TIAM1: variants seen among roughly 807,000 people sequenced by gnomAD.
TIAM1 encodes the protein TIAM Rac1 associated GEF 1.
Under a neutral mutation model 163.5 loss-of-function variants are expected in TIAM1, and 65 were observed. The observed-to-expected ratio is 0.40, with a 90% CI of 0.33 to 0.49. TIAM1 has a LOEUF of 0.49. TIAM1 is among the 20% of genes least tolerant of loss of function. The pLI, the probability that TIAM1 is intolerant of heterozygous loss-of-function variation, is 0.77. For synonymous variants in TIAM1, 833 were observed against 810.1 expected, an observed-to-expected ratio of 1.03 and a Z score of -0.48; for missense variants, 1,789 against 2,044.7, an observed-to-expected ratio of 0.87 and a Z score of 2.41.
chr21:31,226,067 C>G (rs1488874116), intron 6 of TIAM1, 117 bp from the exon 7 acceptor site: 9 of 821,928 alleles, frequency 1.1e-5, no homozygotes, highest in African/African-American at 1.7e-5. Context: ...GTCTAGACAC[C>G]CATGGATAAG....
chr21:31,212,946 GT>G (rs2086965778), intron 10 of TIAM1: 1 of 154,484 alleles, frequency 6.5e-6, no homozygotes. Flanking sequence ...AGGCAAATGC[GT>G]TTTTGTTGTT....
intron 15 of TIAM1, among the ~76,000 whole-genome samples, chr21:31,177,484 G>A (rs985821738): frequency 6.6e-6 from 1 of 152,216 alleles, no homozygotes; most frequent in Admixed American, 6.5e-5. Flanking sequence ...GCGGATGCCT[G>A]TAATCCCGGC....
Position 31,141,018 on chromosome 21 carries a change from T to C in TIAM1, c.3774+100A>G, listed in dbSNP as rs2082822596. On this transcript the variant is annotated intron_variant, in intron 22 of 27. Coordinates refer to ENST00000541036, the MANE Select transcript of TIAM1 (RefSeq NM_001353694.2). This position sits in a 1 kb window ranked among gnomAD's most constrained non-coding sequence, Gnocchi z 4.7. ...AAAAACAACAGCATCCTAACTATTT[T>C]ACTTACAAGTAACACCTTTTTAAAA... 2 of 874,054 alleles carry C rather than the reference T, an allele frequency of 2.3e-6. No homozygotes were observed. The highest frequency in any genetic ancestry group is 5.4e-5 in the Admixed American group (2 of 36,800). 54.1% of individuals were successfully genotyped at this position (874,054 alleles called of 1,614,324 possible).
intron 15 of TIAM1, among the ~76,000 whole-genome samples, chr21:31,175,534 G>C (rs1036832224): frequency 6.6e-6 from 1 of 152,080 alleles, no homozygotes; most frequent in African/African-American, 2.4e-5. Flanking sequence ...CTTTCTTCTT[G>C]ATGTAAAAAG....
intron 2 of TIAM1, among the ~76,000 whole-genome samples, chr21:31,393,959 G>GT (rs1381384510): frequency 7.9e-5 from 12 of 151,752 alleles, no homozygotes; most frequent in Admixed American, 7.9e-4. Context: ...AATAAAGCAC[G>GT]TTTTTTCATA....
Position 31,527,685 on chromosome 21 carries a change from C to T in TIAM1, c.-422+31242G>A, listed in dbSNP as rs567699113. Among the ~76,000 whole-genome samples, 7 of 152,134 alleles carry T rather than the reference C, an allele frequency of 4.6e-5. No homozygotes were observed. The South Asian group carries it at 1.5e-3, about 32-fold the overall frequency. ...ATCACCCATCTATCAGCCACCTGCC[C>T]CACCCCATTCCACCCTGTCACTTAT... On this transcript the variant is annotated intron_variant, in intron 1 of 28. Coordinates refer to the TIAM1 transcript ENST00000286827.
chr21:31,556,976 C>A (rs1366146182), intron 1 of TIAM1, among the ~76,000 whole-genome samples: 2 of 152,226 alleles, frequency 1.3e-5, no homozygotes, highest in Non-Finnish European at 2.9e-5. Context: ...TCCCTCCTAA[C>A]CTCCAGACAT....
chr21:31,163,394 T>A (rs981020552), intron 16 of TIAM1, among the ~76,000 whole-genome samples: 3 of 152,222 alleles, frequency 2.0e-5, no homozygotes, highest in African/African-American at 4.8e-5. Context: ...GTTGGTTTTT[T>A]AAATTTGCCT....
intron 2 of TIAM1, among the ~76,000 whole-genome samples, chr21:31,430,640 GT>G (rs35878330): frequency 0.046 from 6,954 of 152,122 alleles, 238 homozygotes; most frequent in East Asian, 0.13. Flanking sequence ...CGTTCTTAAA[GT>G]TTTCTGTAGA....
At chr21:31,512,617 C>CT (rs35338359) in intron 1 of TIAM1, among the ~76,000 whole-genome samples, 25,099 of 121,702 alleles carry the variant, frequency 0.21, 3,596 homozygotes, top group African/African-American at 0.36. Context: ...TTTTTCTTTT[C>CT]TTTTTTTTTT....
intron 1 of TIAM1, among the ~76,000 whole-genome samples, chr21:31,340,195 T>C (rs2075972012): frequency 1.3e-5 from 2 of 151,328 alleles, no homozygotes; most frequent in Non-Finnish European, 2.9e-5. Flanking sequence ...GATGCATAAA[T>C]AAATGCTAAG....
chr21:31,539,702 G>T (rs923639133), intron 1 of TIAM1, among the ~76,000 whole-genome samples: 1 of 152,206 alleles, frequency 6.6e-6, no homozygotes, highest in African/African-American at 2.4e-5. Flanking sequence ...GCAGAATTCA[G>T]GGGAGGGTGA....
intron 1 of TIAM1, among the ~76,000 whole-genome samples, chr21:31,497,812 G>A (rs990254689): frequency 6.6e-6 from 1 of 152,238 alleles, no homozygotes; most frequent in African/African-American, 2.4e-5. Context: ...GAGCCACTGT[G>A]CTTGGAGAGT....
At chr21:31,380,279 T>G (rs1373005338) in intron 2 of TIAM1, among the ~76,000 whole-genome samples, 1 of 151,944 alleles carries the variant, frequency 6.6e-6, no homozygotes, top group Non-Finnish European at 1.5e-5. Context: ...GTTAAGTGGC[T>G]CACGCTGTAA....
intron 1 of TIAM1, among the ~76,000 whole-genome samples, chr21:31,499,083 T>G (rs1413546512): frequency 6.6e-6 from 1 of 152,112 alleles, no homozygotes; most frequent in Non-Finnish European, 1.5e-5. Flanking sequence ...ATCTATTTAT[T>G]TGGCAAAGAT....
At chr21:31,293,494 C>A (rs547442988) in intron 2 of TIAM1, among the ~76,000 whole-genome samples, 1 of 152,362 alleles carries the variant, frequency 6.6e-6, no homozygotes, top group Admixed American at 6.5e-5. Flanking sequence ...ACACAACAGA[C>A]TTTTTCTCCA....
intron 13 of TIAM1, among the ~76,000 whole-genome samples, chr21:31,188,454 T>C (rs1394350694): frequency 6.6e-6 from 1 of 152,148 alleles, no homozygotes; most frequent in Non-Finnish European, 1.5e-5. Flanking sequence ...TAAAAAAAAA[T>C]CTATTAGGCG....
chr21:31,304,778 C>T (rs1450944067), intron 2 of TIAM1, among the ~76,000 whole-genome samples: 2 of 152,168 alleles, frequency 1.3e-5, no homozygotes, highest in African/African-American at 2.4e-5. Flanking sequence ...CTGCAACCTC[C>T]GCCTCCTGGG....
intron 2 of TIAM1, among the ~76,000 whole-genome samples, chr21:31,426,051 G>A (rs944218821): frequency 6.6e-6 from 1 of 151,902 alleles, no homozygotes; most frequent in African/African-American, 2.4e-5. Context: ...TAGTTTTTGG[G>A]GATCAGGCGG....
Sources: allele counts gnomAD v4.1 joint callset (sites outside exome capture counted in the v4.1 genomes callset), GRCh38; gene constraint gnomAD v4.1.1; non-coding constraint Gnocchi (gnomAD v3.1); transcripts MANE v1.5; gene names NCBI Gene and HGNC (gene_info 2026-07-23, HGNC 2026-07-21).